MSRA: variants seen among roughly 807,000 people sequenced by gnomAD.
MSRA encodes mitochondrial peptide methionine sulfoxide reductase.
A neutral mutation model predicts 31.3 loss-of-function variants in MSRA; 54 were observed. The observed-to-expected ratio is 1.73, with a 90% CI of 1.39 to 2.17. The LOEUF (loss-of-function observed/expected upper bound fraction) is 2.17. Among genes scored for constraint, MSRA ranks in the 30% most tolerant of loss-of-function variants. The probability of loss-of-function intolerance (pLI) is 0.00; values close to 1 mark genes in which losing one functional copy is unlikely to be tolerated. For missense variants in MSRA, 507 were observed against 300.9 expected (o/e 1.69, Z -5.07); for synonymous variants, 169 against 116.5 (o/e 1.45, Z -2.90).
At chr8:10,113,465 G>C (rs953096098) in intron 1 of MSRA, among the ~76,000 whole-genome samples, 6 of 151,636 alleles carry the variant, frequency 4.0e-5, no homozygotes, top group African/African-American at 1.5e-4. Flanking sequence ...GGGAGGGTAG[G>C]AGGAGGGGAT....
chr8:10,256,140 C>G (rs1014208503), intron 3 of MSRA, among the ~76,000 whole-genome samples: 2 of 152,184 alleles, frequency 1.3e-5, no homozygotes, highest in African/African-American at 2.4e-5. Context: ...CCATCCTCCC[C>G]CCCCAACCCC....
At position 10,393,061 on chromosome 8, in the gene MSRA, CAAAAAAAAAAAAA is replaced by C. The variant is rs768294679; in HGVS notation, c.544-35077_544-35065del. 1.1e-3 allele frequency among the ~76,000 whole-genome samples: 84 copies of C among 77,714 alleles called. 1 individual carries two copies. Among genetic ancestry groups the C allele is most frequent in the African/African-American group, 4.5e-3 (80 of 17,948 alleles). 51.0% of individuals were successfully genotyped at this position (77,714 alleles called of 152,430 possible). A position where few individuals can be genotyped will look rare whatever the true frequency, so the allele number is the denominator to read the frequency against. Reference sequence around the variant, plus strand: ...TGGACGACTGAGCGAGACTCCGTCTCAAAAAAAAAAAAAAAAAAAAAAGTTCTGTTGTTTCTGA... The same window carrying C: ...TGGACGACTGAGCGAGACTCCGTCTCAAAAAAAAAGTTCTGTTGTTTCTGA... On this transcript the variant is annotated intron_variant, in intron 5 of 5. Transcript: ENST00000317173.
At chr8:10,172,966 A>C (rs558821384) in intron 1 of MSRA, among the ~76,000 whole-genome samples, 9 of 152,348 alleles carry the variant, frequency 5.9e-5, no homozygotes, top group African/African-American at 2.2e-4. Flanking sequence ...ACCATGACAC[A>C]GATTGGAGCA....
intron 3 of MSRA, among the ~76,000 whole-genome samples, chr8:10,266,572 A>C (rs1308800738): frequency 6.6e-6 from 1 of 151,628 alleles, no homozygotes; most frequent in Non-Finnish European, 1.5e-5. Context: ...TTTGAAAAGC[A>C]GAACTTCTAA....
At chr8:10,260,136 G>C (rs929670621) in intron 3 of MSRA, among the ~76,000 whole-genome samples, 3 of 152,238 alleles carry the variant, frequency 2.0e-5, no homozygotes, top group Non-Finnish European at 4.4e-5. Context: ...GTCAGAAGAA[G>C]TGGCAAAGAA....
At chr8:10,145,132 C>CT (rs1374863360) in intron 1 of MSRA, among the ~76,000 whole-genome samples, 5 of 152,128 alleles carry the variant, frequency 3.3e-5, no homozygotes, top group African/African-American at 1.2e-4. Flanking sequence ...GAAATGAAGT[C>CT]TAATTTTTCA....
At chr8:10,257,810 C>T (rs916003838) in intron 3 of MSRA, among the ~76,000 whole-genome samples, 1 of 152,168 alleles carries the variant, frequency 6.6e-6, no homozygotes, top group African/African-American at 2.4e-5. Flanking sequence ...AATTCACTCT[C>T]TTACCTAGGA....
At chr8:10,069,517 G>A (rs541215500) in intron 1 of MSRA, among the ~76,000 whole-genome samples, 5 of 152,322 alleles carry the variant, frequency 3.3e-5, no homozygotes, top group South Asian at 4.1e-4. Context: ...CATGATCACC[G>A]TCAACATGTC....
intron 4 of MSRA, among the ~76,000 whole-genome samples, chr8:10,309,288 C>T (rs1021175543): frequency 1.1e-4 from 16 of 152,230 alleles, no homozygotes; most frequent in Non-Finnish European, 2.1e-4. Context: ...TAGTTTGTGC[C>T]TTCTCAGTGT....
intron 5 of MSRA, among the ~76,000 whole-genome samples, chr8:10,367,915 G>A (rs566310675): frequency 1.3e-4 from 20 of 152,340 alleles, no homozygotes; most frequent in Middle Eastern, 3.4e-3. Flanking sequence ...TCGTTTGTCC[G>A]TGGCAGAGAG....
chr8:10,417,501 G>A (rs146804782), intron 5 of MSRA, among the ~76,000 whole-genome samples: 1,718 of 151,272 alleles, frequency 0.011, 17 homozygotes, highest in Middle Eastern at 0.031. Flanking sequence ...CCAGTCAGCC[G>A]TCCCCCTTCC....
chr8:10,145,609 A>T (rs1477970805), intron 1 of MSRA, among the ~76,000 whole-genome samples: 1 of 152,210 alleles, frequency 6.6e-6, no homozygotes, highest in Non-Finnish European at 1.5e-5. Context: ...ATACATTCTG[A>T]TGATGTGACC....
In MSRA at chr8:10,054,701, C is replaced by T. The variant is rs374350235; in HGVS notation, c.142+43C>T. 8 of 1,470,806 alleles carry T rather than the reference C, an allele frequency of 5.4e-6. No individual in the cohort carries two copies. The African/African-American group carries it at 1.0e-4, about 19-fold the overall frequency. The allele number at this position is 1,470,806 out of a possible 1,614,324, so 91.1% of individuals were successfully genotyped here. ...GGAAGGCGCGGGCGGCGACGCTGCGCATGCGCGCCTTTGCCCGGCGGCAGC... is the reference window on the plus strand; with the variant it reads ...GGAAGGCGCGGGCGGCGACGCTGCGTATGCGCGCCTTTGCCCGGCGGCAGC... On this transcript the variant is annotated intron_variant, in intron 1 of 5. Transcript: ENST00000317173.
chr8:10,085,903 G>A (rs1798536960), intron 1 of MSRA, among the ~76,000 whole-genome samples: 1 of 152,188 alleles, frequency 6.6e-6, no homozygotes, highest in Admixed American at 6.5e-5. Context: ...GTTCTTCCAT[G>A]TTGTTGCACT....
intron 1 of MSRA, among the ~76,000 whole-genome samples, chr8:10,062,289 C>T (rs1563386434): frequency 6.6e-6 from 1 of 152,206 alleles, no homozygotes; most frequent in African/African-American, 2.4e-5. Flanking sequence ...CGGCAACCCT[C>T]TGGGGATGTA....
intron 1 of MSRA, among the ~76,000 whole-genome samples, chr8:10,058,345 AGAG>A (rs1438070049): frequency 6.6e-6 from 1 of 152,206 alleles, no homozygotes; most frequent in East Asian, 1.9e-4. Flanking sequence ...AGTCCTGAGA[AGAG>A]GAGATCATAA....
At chr8:10,372,476 G>T (rs1805533163) in intron 5 of MSRA, among the ~76,000 whole-genome samples, 1 of 152,116 alleles carries the variant, frequency 6.6e-6, no homozygotes, top group Non-Finnish European at 1.5e-5. Context: ...AGTAAATAGG[G>T]CATGTGCTGT....
intron 1 of MSRA, among the ~76,000 whole-genome samples, chr8:10,081,837 G>A (rs979146454): frequency 6.6e-6 from 1 of 152,050 alleles, no homozygotes; most frequent in Non-Finnish European, 1.5e-5. Context: ...TTCGAAGCGG[G>A]GACCTCTTGA....
At chr8:10,261,239 A>G (rs1185204114) in intron 3 of MSRA, among the ~76,000 whole-genome samples, 1 of 152,196 alleles carries the variant, frequency 6.6e-6, no homozygotes, top group Non-Finnish European at 1.5e-5. Context: ...ATTTTAATAT[A>G]CATTTAGTAT....
Sources: allele counts gnomAD v4.1 joint callset (sites outside exome capture counted in the v4.1 genomes callset), GRCh38; gene constraint gnomAD v4.1.1; transcripts MANE v1.5; gene names NCBI Gene and HGNC (gene_info 2026-07-23, HGNC 2026-07-21).